Variants in SLCO3A1 observed in about 807,000 individuals in gnomAD.
SLCO3A1 encodes solute carrier organic anion transporter family member 3A1.
SLCO3A1 carries 27 observed loss-of-function variants against 63.1 expected under a neutral mutation model. The ratio of observed to expected loss-of-function variants is 0.43; its 90% CI spans 0.32 to 0.59. The LOEUF (loss-of-function observed/expected upper bound fraction) is 0.59. SLCO3A1 is among the 20% of genes least tolerant of loss of function. The probability of loss-of-function intolerance (pLI) is 0.09; values close to 1 mark genes in which losing one functional copy is unlikely to be tolerated. For missense variants in SLCO3A1, 773 were observed against 945.8 expected, an observed-to-expected ratio of 0.82 and a Z score of 2.40; for synonymous variants, 473 against 409.9, an observed-to-expected ratio of 1.15 and a Z score of -1.86.
intron 1 of SLCO3A1, among the ~76,000 whole-genome samples, chr15:91,908,178 A>G (rs1898371932): frequency 6.6e-6 from 1 of 151,982 alleles, no homozygotes; most frequent in Admixed American, 6.5e-5. Context: ...GAAACTCAAA[A>G]TCTCACACAT....
At chr15:91,952,055 C>G (rs1900018057) in intron 2 of SLCO3A1, among the ~76,000 whole-genome samples, 1 of 152,150 alleles carries the variant, frequency 6.6e-6, no homozygotes, top group African/African-American at 2.4e-5. Flanking sequence ...ATTATTGTCT[C>G]TGATGGTAGG....
intron 2 of SLCO3A1, among the ~76,000 whole-genome samples, chr15:92,083,824 C>A (rs1179233841): frequency 6.6e-6 from 1 of 152,054 alleles, no homozygotes; most frequent in Non-Finnish European, 1.5e-5. Flanking sequence ...TGTGGAAAGC[C>A]CTTGTGAGGC....
chr15:91,970,410 G>A (rs1025557289), intron 2 of SLCO3A1, among the ~76,000 whole-genome samples: 1 of 152,192 alleles, frequency 6.6e-6, no homozygotes, highest in African/African-American at 2.4e-5. Context: ...TGCTGGAGCC[G>A]CTGATGGGAG....
chr15:92,142,064 A>G (rs1438839814), intron 7 of SLCO3A1, among the ~76,000 whole-genome samples: 1 of 152,234 alleles, frequency 6.6e-6, no homozygotes. Context: ...TCTCACAGCT[A>G]TGAATAAATT....
At chr15:91,920,957 A>G (rs1898823778) in intron 2 of SLCO3A1, among the ~76,000 whole-genome samples, 1 of 152,154 alleles carries the variant, frequency 6.6e-6, no homozygotes, top group South Asian at 2.1e-4. Context: ...AGGGATGCCA[A>G]GGGCTGGGGA....
chr15:91,884,010 T>C (rs1412854846), intron 1 of SLCO3A1, among the ~76,000 whole-genome samples: 1 of 152,214 alleles, frequency 6.6e-6, no homozygotes, highest in Non-Finnish European at 1.5e-5. Flanking sequence ...GTCACATTAA[T>C]GATCAAAATA....
chr15:92,165,247 T>G lies in SLCO3A1; in HGVS notation c.*2112T>G. The stretch of plus-strand genomic sequence containing the variant: ...GCCTTTCAACTGCTTAGTGTTAGTA[T>G]GTCCTTGCTTATGAAAATGGGGACA... On this transcript the variant is annotated 3_prime_UTR_variant, in exon 10 of 10. Coordinates refer to ENST00000318445, the MANE Select transcript of SLCO3A1 (RefSeq NM_013272.4). The G allele has an allele frequency of 1.0e-6, 1 of 985,280 alleles. No individual in the cohort carries two copies. Among genetic ancestry groups the G allele is most frequent in the Admixed American group, 6.1e-5 (1 of 16,284 alleles). 61.0% of individuals were successfully genotyped at this position (985,280 alleles called of 1,614,324 possible).
chr15:91,956,654 A>G (rs1458635635), intron 2 of SLCO3A1, among the ~76,000 whole-genome samples: 3 of 151,804 alleles, frequency 2.0e-5, no homozygotes, highest in Non-Finnish European at 4.4e-5. Flanking sequence ...CTGGGGAGAA[A>G]CAGCCTAAAA....
At chr15:92,134,635 A>T (rs567472765) in intron 7 of SLCO3A1, among the ~76,000 whole-genome samples, 3 of 152,370 alleles carry the variant, frequency 2.0e-5, no homozygotes, top group Admixed American at 2.0e-4. Context: ...ATCCATTCGT[A>T]GATGGATACT....
intron 2 of SLCO3A1, among the ~76,000 whole-genome samples, chr15:92,079,047 G>A (rs553640708): frequency 6.6e-6 from 1 of 152,310 alleles, no homozygotes; most frequent in Admixed American, 6.5e-5. Flanking sequence ...CACGGTGAGG[G>A]GGTCCAGCGA....
At chr15:92,132,958 A>AT (rs1224466708) in intron 7 of SLCO3A1, among the ~76,000 whole-genome samples, 1 of 145,794 alleles carries the variant, frequency 6.9e-6, no homozygotes, top group East Asian at 1.9e-4. Context: ...ATGCATCAGT[A>AT]TTTTTTTAAC....
At chr15:91,889,280 A>T (rs150558703) in intron 1 of SLCO3A1, 2 of 581,542 alleles carry the variant, frequency 3.4e-6, no homozygotes, top group Non-Finnish European at 5.8e-6. Flanking sequence ...GCAACACTTT[A>T]TGGGCTTCAT....
intron 2 of SLCO3A1, among the ~76,000 whole-genome samples, chr15:91,951,542 CTTTCTTTTTTCT>C (rs1279092715): frequency 4.0e-5 from 6 of 149,420 alleles, no homozygotes; most frequent in Non-Finnish European, 7.4e-5. Flanking sequence ...CTTTGTTTTT[CTTTCTTTTTTCT>C]TTTCTTTTTT....
chr15:92,164,424 C>G lies in SLCO3A1; in HGVS notation c.*1289C>G. 1 of 985,424 alleles carries G rather than the reference C, an allele frequency of 1.0e-6. No homozygotes were observed. Among genetic ancestry groups the G allele is most frequent in the Non-Finnish European group, 1.2e-6 (1 of 829,926 alleles). 61.0% of individuals were successfully genotyped at this position (985,424 alleles called of 1,614,324 possible). ...AATTGCAAATTTGCCTTTTAGCTTCCTTCCCCATGATTCAGTGATCACTGT... is the reference window on the plus strand; with the variant it reads ...AATTGCAAATTTGCCTTTTAGCTTCGTTCCCCATGATTCAGTGATCACTGT... On this transcript the variant is annotated 3_prime_UTR_variant, in exon 10 of 10. Transcript: ENST00000318445.
intron 1 of SLCO3A1, among the ~76,000 whole-genome samples, chr15:91,876,575 A>T (rs1897403221): frequency 6.6e-6 from 1 of 152,202 alleles, no homozygotes; most frequent in Admixed American, 6.5e-5. Flanking sequence ...CACAAATTAA[A>T]TCTAGTCAAG....
rs2048477994 is a variant in SLCO3A1, at chr15:92,164,636, CA to C, written c.*1503del. 1 of 985,370 alleles carries C rather than the reference CA, an allele frequency of 1.0e-6. No individual in the cohort carries two copies. Among genetic ancestry groups the C allele is most frequent in the East Asian group, 1.1e-4 (1 of 8,818 alleles). 61.0% of individuals were successfully genotyped at this position (985,370 alleles called of 1,614,324 possible). On this transcript the variant is annotated 3_prime_UTR_variant, in exon 10 of 10. Coordinates refer to ENST00000318445, the MANE Select transcript of SLCO3A1 (RefSeq NM_013272.4). ...GCATCTCTGATAACGAATAGACCCACAAGCTCCTGGAAGCTGTCGTGTGTCC... is the reference window on the plus strand; with the variant it reads ...GCATCTCTGATAACGAATAGACCCACAGCTCCTGGAAGCTGTCGTGTGTCC...
At chr15:92,000,402 T>TA (rs1742601826) in intron 2 of SLCO3A1, among the ~76,000 whole-genome samples, 1 of 147,532 alleles carries the variant, frequency 6.8e-6, no homozygotes, top group East Asian at 1.9e-4. Flanking sequence ...TCCTTTTTTT[T>TA]TAAAAAAAAA....
chr15:91,873,271 G>A (rs1897320624), intron 1 of SLCO3A1, among the ~76,000 whole-genome samples: 1 of 152,074 alleles, frequency 6.6e-6, no homozygotes, highest in African/African-American at 2.4e-5. Flanking sequence ...TTTTCTCCTC[G>A]AAAACAAAAG....
chr15:91,877,258 G>C (rs1294691976), intron 1 of SLCO3A1, among the ~76,000 whole-genome samples: 1 of 152,154 alleles, frequency 6.6e-6, no homozygotes, highest in African/African-American at 2.4e-5. Flanking sequence ...AACGATGATG[G>C]CTGTTCTCCT....
Sources: allele counts gnomAD v4.1 joint callset (sites outside exome capture counted in the v4.1 genomes callset), GRCh38; gene constraint gnomAD v4.1.1; transcripts MANE v1.5; gene names NCBI Gene and HGNC (gene_info 2026-07-23, HGNC 2026-07-21).